The following PLCG2 variants were observed in gnomAD, a reference collection of about 807,000 sequenced individuals.
PLCG2 encodes 1-phosphatidylinositol 4,5-bisphosphate phosphodiesterase gamma-2.
In PLCG2, 69 loss-of-function variants were observed where a neutral mutation model predicts 175.6. The ratio of observed to expected loss-of-function variants is 0.39; its 90% CI spans 0.32 to 0.48. The LOEUF is 0.48. Among genes scored for constraint, PLCG2 ranks in the 20% least tolerant of loss-of-function variants. The pLI, the probability that PLCG2 is intolerant of heterozygous loss-of-function variation, is 0.91. For missense variants in PLCG2, 1,798 were observed against 1,650.9 expected (o/e 1.09, Z -1.54); for synonymous variants, 827 against 624.0 (o/e 1.33, Z -4.85).
intron 19 of PLCG2, among the ~76,000 whole-genome samples, chr16:81,913,048 C>G (rs1240482002): frequency 6.6e-6 from 1 of 152,226 alleles, no homozygotes; most frequent in Admixed American, 6.5e-5. Flanking sequence ...CATGCAGCCA[C>G]TAAGTGGTGG....
intron 19 of PLCG2, 132 bp downstream of exon 19, chr16:81,912,848 A>C (rs1025287158): frequency 2.2e-5 from 25 of 1,134,272 alleles, no homozygotes; most frequent in Non-Finnish European, 2.8e-5. Flanking sequence ...GACAACAACA[A>C]CCACCACAGC....
intron 31 of PLCG2, among the ~76,000 whole-genome samples, chr16:81,953,684 G>T (rs372459195): frequency 6.6e-6 from 1 of 152,154 alleles, no homozygotes; most frequent in Non-Finnish European, 1.5e-5. Context: ...TAGAGTGGTG[G>T]TTCCTCAAGT....
intron 22 of PLCG2, among the ~76,000 whole-genome samples, chr16:81,926,064 A>C (rs1357333587): frequency 6.7e-6 from 1 of 149,008 alleles, no homozygotes; most frequent in Non-Finnish European, 1.5e-5. Flanking sequence ...GGGAGAGGAA[A>C]TGCCCAAGCT....
intron 17 of PLCG2, among the ~76,000 whole-genome samples, chr16:81,909,904 G>A (rs1009295089): frequency 1.3e-5 from 2 of 151,796 alleles, no homozygotes; most frequent in East Asian, 1.9e-4. Flanking sequence ...CAGACAGCAC[G>A]GGTGACCTGC....
intron 30 of PLCG2, among the ~76,000 whole-genome samples, chr16:81,944,904 G>C (rs1338897683): frequency 6.6e-6 from 1 of 151,992 alleles, no homozygotes; most frequent in East Asian, 1.9e-4. Context: ...CTAGGTGGTG[G>C]GTATACAAGT....
chr16:81,778,078 A>G (rs1910530353), upstream of PLCG2, among the ~76,000 whole-genome samples: 1 of 47,742 alleles, frequency 2.1e-5, no homozygotes, highest in South Asian at 8.9e-4. Context: ...AAACACACAC[A>G]CACAAAAAAA....
Position 81,936,286 on chromosome 16 carries a change from C to G in PLCG2, c.2960C>G (p.Pro987Arg). ...CAAAAGGGCCTGACCCGCGTCTACC[C>G]AAAGGGACAAAGAGTTGACTCTTCA... ...YNQKGLTRVY[P>R]KGQRVDSSNY... is the part of the protein sequence containing the mutation. The change falls in exon 27 of 33, where the codon CCA (proline) becomes CGA (arginine). Residue 987 changes from proline to arginine, a missense_variant. Transcript: ENST00000564138. 1 of 1,614,182 alleles carries G rather than the reference C, an allele frequency of 6.2e-7. No homozygotes were observed. Among genetic ancestry groups the G allele is most frequent in the East Asian group, 2.2e-5 (1 of 44,888 alleles).
intron 7 of PLCG2, among the ~76,000 whole-genome samples, chr16:81,877,915 C>A (rs1230638212): frequency 6.6e-6 from 1 of 151,000 alleles, no homozygotes; most frequent in Non-Finnish European, 1.5e-5. Context: ...TCCATCATCA[C>A]ATGGACCCCT....
chr16:81,775,211 C>T (rs7203740), upstream of PLCG2, among the ~76,000 whole-genome samples: 114,714 of 152,084 alleles, frequency 0.75, 44,376 homozygotes, highest in Non-Finnish European at 0.84. Flanking sequence ...CAGCCCTGTA[C>T]CCCTTATCTT....
At chr16:81,935,530 A>G (rs1803306980) in intron 26 of PLCG2, 1 of 984,986 alleles carries the variant, frequency 1.0e-6, no homozygotes, top group Non-Finnish European at 1.2e-6. Flanking sequence ...CATATCTTTC[A>G]TCTTAGAACA....
chr16:81,893,935 A>G (rs571970908), intron 12 of PLCG2, 141 bp downstream of exon 12: 119 of 457,196 alleles, frequency 2.6e-4, no homozygotes, highest in Non-Finnish European at 4.2e-4. Context: ...TTAGAGTGTG[A>G]TGTTTCTTTG....
intron 5 of PLCG2, among the ~76,000 whole-genome samples, chr16:81,867,947 C>A (rs1248017460): frequency 1.3e-5 from 2 of 152,214 alleles, no homozygotes; most frequent in Non-Finnish European, 2.9e-5. Context: ...GATCCGCCCG[C>A]CTCAGCCTCC....
chr16:81,860,199 G>C (rs1906911411), intron 5 of PLCG2, among the ~76,000 whole-genome samples: 1 of 124,076 alleles, frequency 8.1e-6, no homozygotes, highest in Non-Finnish European at 1.7e-5. Context: ...TAAAGGTGAA[G>C]TCTTACCCAG....
Position 81,928,564 on chromosome 16 carries a change from G to A in PLCG2, c.2521G>A (p.Glu841Lys). The change falls in exon 24 of 33, where the codon GAA (glutamate) becomes AAA (lysine). Residue 841 changes from glutamate (E) to lysine (K), a missense_variant. Coordinates refer to ENST00000564138, the MANE Select transcript of PLCG2 (RefSeq NM_002661.5). ...DFEELEKQIIEDNPLGSLCRG... is the reference protein window; with the variant it reads ...DFEELEKQIIKDNPLGSLCRG... ...ATGTCTTGTTTCTTCACAGATTATT[G>A]AAGACAATCCCTTAGGGTCTCTTTG... 1 of 1,601,484 alleles carries A rather than the reference G, an allele frequency of 6.2e-7. No individual in the cohort carries two copies. Among genetic ancestry groups the A allele is most frequent in the Non-Finnish European group, 8.6e-7 (1 of 1,168,518 alleles).
chr16:81,740,757 A>C (rs1283567440), intron 1 of PLCG2, among the ~76,000 whole-genome samples: 6 of 147,446 alleles, frequency 4.1e-5, no homozygotes, highest in Admixed American at 6.8e-5. Context: ...AAAAAAAAAA[A>C]AAACCGAAAC....
rs1255651513 is a variant in PLCG2, at chr16:81,962,281, T to G, written c.*4283T>G. 1 of 197,842 alleles carries G rather than the reference T, an allele frequency of 5.1e-6. No individual in the cohort carries two copies. Among genetic ancestry groups the G allele is most frequent in the Non-Finnish European group, 1.0e-5 (1 of 95,668 alleles). The allele number at this position is 197,842 out of a possible 1,614,324, so 12.3% of individuals were successfully genotyped here. A position where few individuals can be genotyped will look rare whatever the true frequency, so the allele number is the denominator to read the frequency against. ...AAAATAGCTTAACCTTCAACCTGTG[T>G]GACATTTAACTTTTTGAACCCAACC... On this transcript the variant is annotated 3_prime_UTR_variant, in exon 33 of 33. Transcript: ENST00000564138.
intron 23 of PLCG2, among the ~76,000 whole-genome samples, chr16:81,927,878 G>A (rs1910340824): frequency 6.6e-6 from 1 of 152,188 alleles, no homozygotes; most frequent in East Asian, 1.9e-4. Context: ...TGGGAATGTG[G>A]TTGTGTTCCG....
At chr16:81,897,994 C>G (rs1352403027) in intron 13 of PLCG2, 1 of 404,030 alleles carries the variant, frequency 2.5e-6, no homozygotes, top group Non-Finnish European at 5.0e-6. Context: ...GCATTCTCCC[C>G]TGTGGGGTCC....
intron 2 of PLCG2, among the ~76,000 whole-genome samples, chr16:81,808,611 A>T (rs1567475111): frequency 3.3e-5 from 5 of 152,132 alleles, no homozygotes; most frequent in Admixed American, 1.3e-4. Flanking sequence ...CTCCTGTCTC[A>T]GCCTCCTGAG....
Sources: allele counts gnomAD v4.1 joint callset (sites outside exome capture counted in the v4.1 genomes callset), GRCh38; gene constraint gnomAD v4.1.1; transcripts MANE v1.5; gene names NCBI Gene and HGNC (gene_info 2026-07-23, HGNC 2026-07-21).